The following RTEL1 variants were observed in gnomAD, a reference collection of about 807,000 sequenced individuals.
RTEL1 encodes the protein regulator of telomere length.
RTEL1 carries 86 observed loss-of-function variants against 162.2 expected under a neutral mutation model. That is an observed-to-expected ratio of 0.53 (90% confidence interval 0.45 to 0.63). The LOEUF (loss-of-function observed/expected upper bound fraction) is 0.63, where lower values mean the gene tolerates loss of function less well. Ranked by LOEUF, RTEL1 falls within the 30% of genes least tolerant of loss-of-function variation. The pLI is 0.00. For missense variants in RTEL1, 1,941 were observed against 1,750.2 expected (o/e 1.11, Z -1.95); for synonymous variants, 958 against 717.9 (o/e 1.33, Z -5.35).
intron 27 of RTEL1, among the ~76,000 whole-genome samples, chr20:63,691,262 G>A (rs978553101): frequency 3.9e-5 from 6 of 152,200 alleles, no homozygotes; most frequent in African/African-American, 9.7e-5. Flanking sequence ...CACTGGCTGC[G>A]CTTGAGGCTG....
At chr20:63,693,323 G>A (rs749764220) in intron 30 of RTEL1, 40 bp downstream of exon 30, 19 of 1,607,878 alleles carry the variant, frequency 1.2e-5, no homozygotes, top group South Asian at 8.8e-5. Flanking sequence ...ACTCCTGCGT[G>A]GAAGGCAGTG....
intron 14 of RTEL1, chr20:63,681,523 T>C (rs2090477533): frequency 1.0e-6 from 1 of 983,842 alleles, no homozygotes; most frequent in Admixed American, 6.3e-5. Context: ...TATGACAGCT[T>C]CATGAGTGTC....
In RTEL1 at chr20:63,658,379, T is replaced by A. The variant is rs962756179; in HGVS notation, c.-258T>A. On this transcript the variant is annotated 5_prime_UTR_variant, in exon 1 of 35. Transcript: ENST00000360203. Reference sequence around the variant, plus strand: ...CGAAAACTCTGAGCTGGCTGACAGCTGGGGACGGGTGGCGGCCCTCGACTG... The same window carrying A: ...CGAAAACTCTGAGCTGGCTGACAGCAGGGGACGGGTGGCGGCCCTCGACTG... 6.6e-6 allele frequency: 1 copy of A among 152,444 alleles called. No homozygotes were observed. The highest frequency in any genetic ancestry group is 2.4e-5 in the African/African-American group (1 of 41,464). 9.4% of individuals were successfully genotyped at this position (152,444 alleles called of 1,614,324 possible).
intron 21 of RTEL1, 164 bp from the exon 22 acceptor site, chr20:63,688,891 G>C: frequency 1.4e-6 from 1 of 732,606 alleles, no homozygotes; most frequent in East Asian, 2.5e-5. Context: ...GAGCAGGCGT[G>C]GGGTCAGCCT....
intron 16 of RTEL1, chr20:63,687,430 C>T: frequency 1.7e-6 from 1 of 577,588 alleles, no homozygotes. Flanking sequence ...CCCAGGACCC[C>T]CTGTCCCCCA....
chr20:63,675,163 C>G (rs1210258878), intron 10 of RTEL1, among the ~76,000 whole-genome samples: 1 of 152,206 alleles, frequency 6.6e-6, no homozygotes, highest in Non-Finnish European at 1.5e-5. Context: ...CTTCGGCCTC[C>G]CAAAGTGCTG....
At chr20:63,672,776 TCCCG>T (rs1483230875) in intron 9 of RTEL1, among the ~76,000 whole-genome samples, 155 bp downstream of exon 9, 1 of 152,082 alleles carries the variant, frequency 6.6e-6, no homozygotes, top group East Asian at 1.9e-4. Context: ...TGCCACCCCC[TCCCG>T]CCCTGATCCG....
In RTEL1 at chr20:63,690,069, G is replaced by A. The variant is rs1193616033; in HGVS notation, c.2142-18G>A. On this transcript the variant is annotated intron_variant, in intron 24 of 34. Coordinates refer to ENST00000360203, the MANE Select transcript of RTEL1 (RefSeq NM_001283009.2). ...AAGCGGCTGTGGGCAGGGCAGCAGG[G>A]CTATGGCCACCCCCCAGGTTCGCCT... The A allele has an allele frequency of 6.2e-7, 1 of 1,608,374 alleles. No individual in the cohort carries two copies. Among genetic ancestry groups the A allele is most frequent in the Non-Finnish European group, 8.5e-7 (1 of 1,179,188 alleles).
rs1872330551 is a variant in RTEL1 at position 63,696,220 on chromosome 20, T to G, written c.*362T>G. On this transcript the variant is annotated 3_prime_UTR_variant, in exon 35 of 35. Transcript: ENST00000360203. ...CACTTTTAATCAGGGGACAGGGCTC[T>G]CTAATAAAGCTGCTGGCAGTGCCCA... The G allele has an allele frequency of 2.7e-6, 1 of 365,538 alleles. No individual in the cohort carries two copies. The highest frequency in any genetic ancestry group is 5.0e-6 in the Non-Finnish European group (1 of 199,928). 22.6% of individuals were successfully genotyped at this position (365,538 alleles called of 1,614,324 possible). A position where few individuals can be genotyped will look rare whatever the true frequency, so the allele number is the denominator to read the frequency against.
intron 9 of RTEL1, among the ~76,000 whole-genome samples, chr20:63,672,896 G>A (rs889549980): frequency 2.0e-5 from 3 of 152,222 alleles, no homozygotes; most frequent in Non-Finnish European, 4.4e-5. Context: ...CAGCCAGCTC[G>A]GGGTCAGCCT....
At chr20:63,680,027 T>A in intron 13 of RTEL1, 81 bp downstream of exon 13, 1 of 971,624 alleles carries the variant, frequency 1.0e-6, no homozygotes, top group Non-Finnish European at 1.5e-6. Context: ...CAGTCAGGGC[T>A]CCCCTGGCCG....
chr20:63,691,256 G>A (rs2090735067), intron 27 of RTEL1, among the ~76,000 whole-genome samples: 1 of 152,224 alleles, frequency 6.6e-6, no homozygotes, highest in African/African-American at 2.4e-5. Flanking sequence ...CCCTGCCACT[G>A]GCTGCGCTTG....
rs368297230 is a variant in RTEL1 at position 63,690,921 on chromosome 20, C to T, written c.2530C>T (p.Arg844Trp). The T allele has an allele frequency of 3.3e-5, 52 of 1,563,132 alleles. No individual in the cohort carries two copies. Among genetic ancestry groups the T allele is most frequent in the East Asian group, 1.2e-4 (5 of 42,668 alleles). Residue 844 changes from arginine to tryptophan, a missense_variant, in exon 27 of 35, where the codon CGG becomes TGG. By Grantham distance (101) the Arg-to-Trp change is moderately radical (BLOSUM62 -3). Transcript: ENST00000360203. ...LLAALEHSEQ[R>W]AGSPGEEQAH... ...GGCCGCCCTGGAGCACAGCGAACAG[C>T]GGGCGGGGAGCCCTGGCGAGGAGCA... is the stretch of plus-strand genomic sequence containing the variant.
chr20:63,687,870 C>A, intron 17 of RTEL1, 67 bp from the exon 18 acceptor site: 1 of 1,581,042 alleles, frequency 6.3e-7, no homozygotes, highest in East Asian at 2.3e-5. Context: ...CTGGGGGTCT[C>A]GGGCCTCGAG....
At position 63,689,513 on chromosome 20, in the gene RTEL1, G is replaced by T. The variant is rs1365867191; in HGVS notation, c.1890G>T (p.Gly630=). 3 of 1,603,972 alleles carry T rather than the reference G, an allele frequency of 1.9e-6. No individual in the cohort carries two copies. Among genetic ancestry groups the T allele is most frequent in the African/African-American group, 2.7e-5 (2 of 74,880 alleles). ...LAVCRGKASE[G]LDFSDTNGRG... ...GGTGTGTCCCCTAGGCCAGCGAGGG[G>T]CTGGACTTCTCAGACACGAATGGCC... The change falls in exon 23 of 35, where the codon GGG becomes GGT. Residue 630 remains glycine, a synonymous_variant. Coordinates refer to ENST00000360203, the MANE Select transcript of RTEL1 (RefSeq NM_001283009.2).
rs143248833 is a variant in RTEL1, at chr20:63,695,333, T to C, written c.3505T>C (p.Ser1169Pro). The change falls in exon 34 of 35, where the codon TCA becomes CCA. Residue 1169 changes from serine (S) to proline (P), a missense_variant. Physicochemically the swap from Ser to Pro is moderately conservative, Grantham distance 74. Coordinates refer to ENST00000360203, the MANE Select transcript of RTEL1 (RefSeq NM_001283009.2). ...ACTCAAGTCTCTGTCTCCAGGCCCC[T>C]CACGGTCCGAGAAGACCGGGAAGAC... ...LTHRAPQPGP[S>P]RSEKTGKTQS... 281 of 1,559,370 alleles carry C rather than the reference T, an allele frequency of 1.8e-4. No homozygotes were observed. The highest frequency in any genetic ancestry group is 1.2e-3 in the Middle Eastern group (7 of 5,768).
chr20:63,659,263 A>G lies in RTEL1; in HGVS notation c.-140A>G, dbSNP rs1025165074. 80 of 670,944 alleles carry G rather than the reference A, an allele frequency of 1.2e-4. No homozygotes were observed. Among genetic ancestry groups the G allele is most frequent in the Non-Finnish European group, 2.1e-4 (75 of 363,172 alleles). The allele number at this position is 670,944 out of a possible 1,614,324, so 41.6% of individuals were successfully genotyped here. On this transcript the variant is annotated 5_prime_UTR_variant, in exon 2 of 35. Coordinates refer to ENST00000360203, the MANE Select transcript of RTEL1 (RefSeq NM_001283009.2). Reference sequence around the variant, plus strand: ...TGCCATAGGGATTCTCGAAGAGAACAGCGTTGTGTCCCAGTGCACATGCTC... The same window carrying G: ...TGCCATAGGGATTCTCGAAGAGAACGGCGTTGTGTCCCAGTGCACATGCTC...
rs537754916 is a variant in RTEL1 at position 63,690,336 on chromosome 20, G to A, written c.2308G>A (p.Gly770Arg). The A allele has an allele frequency of 2.7e-5, 44 of 1,610,706 alleles. No individual in the cohort carries two copies. In the East Asian group the frequency reaches 8.0e-4, roughly 29 times the overall value. ...APRATAPSVR[G>R]EDAVSEAKSP... Reference sequence around the variant, plus strand: ...CCGGGCTACAGCACCCAGTGTGCGTGGAGAAGATGCTGTCAGCGAGGCCAA... The same window carrying A: ...CCGGGCTACAGCACCCAGTGTGCGTAGAGAAGATGCTGTCAGCGAGGCCAA... The change falls in exon 26 of 35, where the codon GGA becomes AGA. Residue 770 changes from glycine (G) to arginine (R), a missense_variant. By Grantham distance (125) the Gly-to-Arg change is moderately radical (BLOSUM62 -2). Coordinates refer to ENST00000360203, the MANE Select transcript of RTEL1 (RefSeq NM_001283009.2).
chr20:63,676,745 C>T (rs561892757), intron 10 of RTEL1, among the ~76,000 whole-genome samples: 56 of 152,240 alleles, frequency 3.7e-4, no homozygotes, highest in African/African-American at 1.3e-3. Context: ...CCATCCTGGC[C>T]AACACGGTGA....
Sources: gnomAD v4.1 joint callset for allele counts (sites outside exome capture counted in the v4.1 genomes callset) on GRCh38, gnomAD v4.1.1 for gene constraint, MANE v1.5 for transcripts, NCBI Gene and HGNC (gene_info 2026-07-23, HGNC 2026-07-21) for gene names.